The following DNAAF11 variants were observed in gnomAD, a reference collection of about 807,000 sequenced individuals.
DNAAF11 encodes leucine rich repeat containing 6.
A neutral mutation model predicts 60.8 loss-of-function variants in DNAAF11; 45 were observed. The observed-to-expected ratio is 0.74, with a 90% CI of 0.58 to 0.95. The LOEUF (loss-of-function observed/expected upper bound fraction) is 0.95. Among genes scored for constraint, DNAAF11 ranks in the 40% least tolerant of loss-of-function variants. The probability of loss-of-function intolerance (pLI) is 0.00; values close to 1 mark genes in which losing one functional copy is unlikely to be tolerated. For synonymous variants in DNAAF11, 191 were observed against 183.5 expected, an observed-to-expected ratio of 1.04 and a Z score of -0.33; for missense variants, 546 against 546.2, an observed-to-expected ratio of 1.00 and a Z score of 0.00.
chr8:132,578,543 C>A, intron 11 of DNAAF11: 1 of 1,366,944 alleles, frequency 7.3e-7, no homozygotes, highest in African/African-American at 1.4e-5. Context: ...ACAGATTTAA[C>A]ATCATGGAAG....
chr8:132,701,669 G>A, the DNAAF11 span, among the ~76,000 whole-genome samples: 2 of 152,218 alleles, frequency 1.3e-5, no homozygotes, highest in African/African-American at 4.8e-5. Context: ...GCTTCCCTTT[G>A]GATAAAGTGT....
intron 10 of DNAAF11, among the ~76,000 whole-genome samples, chr8:132,595,206 A>C (rs546592023): frequency 6.6e-6 from 1 of 152,282 alleles, no homozygotes; most frequent in African/African-American, 2.4e-5. Context: ...AAAAGCACAG[A>C]AAACACAAAA....
upstream of DNAAF11, among the ~76,000 whole-genome samples, chr8:132,678,742 T>C (rs938262074): frequency 1.3e-5 from 2 of 150,456 alleles, no homozygotes; most frequent in African/African-American, 4.8e-5. Context: ...TAAAAATAAA[T>C]TTTTATATAA....
At chr8:132,620,758 G>A (rs967847104) in intron 7 of DNAAF11, among the ~76,000 whole-genome samples, 1 of 152,216 alleles carries the variant, frequency 6.6e-6, no homozygotes, top group Non-Finnish European at 1.5e-5. Flanking sequence ...GCACGTGGTT[G>A]TTTGAGTGGA....
chr8:132,616,512 G>T (rs1819172871), intron 7 of DNAAF11, among the ~76,000 whole-genome samples: 1 of 152,138 alleles, frequency 6.6e-6, no homozygotes, highest in South Asian at 2.1e-4. Context: ...CTGATAAAAT[G>T]AGGGAGAGAA....
rs1814105364 is a variant in DNAAF11 at position 132,570,742 on chromosome 8, G to A, written c.*1564C>T. On this transcript the variant is annotated 3_prime_UTR_variant, in exon 12 of 12. Transcript: ENST00000620350. Reference sequence around the variant, plus strand: ...TGATCCTTGATCTCCACCACTGTGTGTCCATCCCATCTTTCTTACCGCAGG... The same window carrying A: ...TGATCCTTGATCTCCACCACTGTGTATCCATCCCATCTTTCTTACCGCAGG... Among the ~76,000 whole-genome samples the A allele has an allele frequency of 6.6e-6, 1 of 152,186 alleles. No individual in the cohort carries two copies. Among genetic ancestry groups the A allele is most frequent in the African/African-American group, 2.4e-5 (1 of 41,442 alleles).
intron 11 of DNAAF11, among the ~76,000 whole-genome samples, chr8:132,582,342 A>G (rs1403775108): frequency 7.2e-5 from 11 of 152,234 alleles, no homozygotes; most frequent in African/African-American, 2.2e-4. Flanking sequence ...GCTATGAAGA[A>G]TCGTGCTAAG....
chr8:132,647,266 G>A (rs1302253743), intron 3 of DNAAF11, among the ~76,000 whole-genome samples: 1 of 151,966 alleles, frequency 6.6e-6, no homozygotes, highest in Non-Finnish European at 1.5e-5. Flanking sequence ...ACGAAATGAA[G>A]GCAGAAATAA....
At chr8:132,696,359 T>C in the DNAAF11 span, among the ~76,000 whole-genome samples, 1 of 152,136 alleles carries the variant, frequency 6.6e-6, no homozygotes, top group South Asian at 2.1e-4. Context: ...TACATAATAG[T>C]ACACTCACTT....
At position 132,572,286 on chromosome 8, in the gene DNAAF11, T is replaced by C. The variant is rs372038227; in HGVS notation, c.*20A>G. On this transcript the variant is annotated 3_prime_UTR_variant, in exon 12 of 12. Transcript: ENST00000620350. Reference sequence around the variant, plus strand: ...ACTGGACCTGGTGGGTCTCAGCCAATGGCAACGCAGCCAGATGTTTCAAAT... The same window carrying C: ...ACTGGACCTGGTGGGTCTCAGCCAACGGCAACGCAGCCAGATGTTTCAAAT... 4.4e-6 allele frequency: 7 copies of C among 1,608,298 alleles called. No homozygotes were observed. The African/African-American group carries it at 9.4e-5, about 22-fold the overall frequency.
At chr8:132,624,233 A>C (rs1820035468) in intron 6 of DNAAF11, among the ~76,000 whole-genome samples, 2 of 152,290 alleles carry the variant, frequency 1.3e-5, no homozygotes, top group Non-Finnish European at 2.9e-5. Flanking sequence ...GTATAGGCTC[A>C]TCTGATTTTC....
rs1008281107 is a variant in DNAAF11, at chr8:132,599,876, G to A, written c.1140+10290C>T. On this transcript the variant is annotated intron_variant, in intron 10 of 11. Coordinates refer to ENST00000620350, the MANE Select transcript of DNAAF11 (RefSeq NM_012472.6). ...TTGAAAACTGGCACAAGACAGGGATGCCCTCTCTCACCACTCCTTCAACAT... is the reference window on the plus strand; with the variant it reads ...TTGAAAACTGGCACAAGACAGGGATACCCTCTCTCACCACTCCTTCAACAT... Among the ~76,000 whole-genome samples, 4 of 152,276 alleles carry A rather than the reference G, an allele frequency of 2.6e-5. No homozygotes were observed. The East Asian group carries it at 5.8e-4, about 22-fold the overall frequency.
chr8:132,681,278 G>C, the DNAAF11 span, among the ~76,000 whole-genome samples: 1 of 150,616 alleles, frequency 6.6e-6, no homozygotes, highest in Non-Finnish European at 1.5e-5. Flanking sequence ...CCGAAGTGCT[G>C]GGATTACAGG....
At chr8:132,582,083 C>CA (rs1815402412) in intron 11 of DNAAF11, among the ~76,000 whole-genome samples, 2 of 152,204 alleles carry the variant, frequency 1.3e-5, no homozygotes, top group African/African-American at 2.4e-5. Flanking sequence ...GCTGCATCTA[C>CA]AGTCCTTTGC....
the DNAAF11 span, among the ~76,000 whole-genome samples, chr8:132,682,032 C>T: frequency 6.6e-6 from 1 of 152,184 alleles, no homozygotes; most frequent in Non-Finnish European, 1.5e-5. Context: ...GTGCTTGATA[C>T]ATCTCAGTTT....
chr8:132,624,034 G>A (rs1820009560), intron 6 of DNAAF11, among the ~76,000 whole-genome samples: 1 of 151,840 alleles, frequency 6.6e-6, no homozygotes, highest in South Asian at 2.1e-4. Context: ...TAGGTAACAG[G>A]GAGTAAAAAA....
At chr8:132,636,645 G>T (rs554551992) in intron 4 of DNAAF11, among the ~76,000 whole-genome samples, 2 of 152,122 alleles carry the variant, frequency 1.3e-5, no homozygotes, top group Non-Finnish European at 2.9e-5. Context: ...AGGACTCCTG[G>T]ACCCTTAGCC....
intron 1 of DNAAF11, among the ~76,000 whole-genome samples, chr8:132,666,821 T>C (rs1261696285): frequency 6.6e-6 from 1 of 152,160 alleles, no homozygotes. Flanking sequence ...ACAGTGTGCA[T>C]ACCACTCGGG....
the DNAAF11 span, among the ~76,000 whole-genome samples, chr8:132,701,841 A>G: frequency 1.3e-5 from 2 of 152,136 alleles, no homozygotes; most frequent in Non-Finnish European, 2.9e-5. Context: ...CCACCAGAGC[A>G]ATGGCCACAT....
Sources: allele counts gnomAD v4.1 joint callset (sites outside exome capture counted in the v4.1 genomes callset), GRCh38; gene constraint gnomAD v4.1.1; transcripts MANE v1.5; gene names NCBI Gene and HGNC (gene_info 2026-07-23, HGNC 2026-07-21).